Variants in GFM2 observed in about 807,000 individuals in gnomAD.
GFM2 encodes the protein GTP dependent ribosome recycling factor mitochondrial 2.
A neutral mutation model predicts 95.4 loss-of-function variants in GFM2; 72 were observed. The ratio of observed to expected loss-of-function variants is 0.76; its 90% confidence interval spans 0.62 to 0.92. GFM2 has a LOEUF of 0.92. Among genes scored for constraint, GFM2 ranks in the 40% least tolerant of loss-of-function variants. The pLI, the probability that GFM2 is intolerant of heterozygous loss-of-function variation, is 0.00. For missense variants in GFM2, 825 were observed against 924.1 expected, an observed-to-expected ratio of 0.89 and a Z score of 1.39; for synonymous variants, 276 against 317.5, an observed-to-expected ratio of 0.87 and a Z score of 1.39.
chr5:74,732,128 ATT>A (rs533165001), intron 16 of GFM2, among the ~76,000 whole-genome samples: 148 of 85,440 alleles, frequency 1.7e-3, no homozygotes, highest in African/African-American at 6.7e-3. Flanking sequence ...CTAATTTTTA[ATT>A]TTTTTTTTTT....
At chr5:74,733,591 G>A (rs1337317342) in intron 15 of GFM2, among the ~76,000 whole-genome samples, 1 of 152,136 alleles carries the variant, frequency 6.6e-6, no homozygotes, top group Non-Finnish European at 1.5e-5. Context: ...AGATCAGTGG[G>A]CAAAAGGAAG....
rs1742877260 is a variant in GFM2 at position 74,737,105 on chromosome 5, G to A, written c.1321-120C>T. 3.4e-6 allele frequency: 3 copies of A among 890,376 alleles called. No homozygotes were observed. In the Admixed American group the frequency reaches 8.8e-5, roughly 26 times the overall value. The allele number at this position is 890,376 out of a possible 1,614,324, so 55.2% of individuals were successfully genotyped here. ...CCTTTCTTTTCATCAGAACTTAAAA[G>A]AGAAATAAAATTCAAAAAGCTCATT... On this transcript the variant is annotated intron_variant, in intron 14 of 20. Transcript: ENST00000296805.
At chr5:74,732,927 G>GACACACACACAC (rs67360841) in intron 16 of GFM2, 95 bp downstream of exon 16, 133 of 403,614 alleles carry the variant, frequency 3.3e-4, no homozygotes, top group East Asian at 6.2e-4. Context: ...TAATGTTTTA[G>GACACACACACAC]ACACACACAC....
intron 5 of GFM2, among the ~76,000 whole-genome samples, chr5:74,756,641 CCACT>C (rs1049400851): frequency 1.3e-5 from 2 of 150,030 alleles, no homozygotes; most frequent in Admixed American, 6.7e-5. Context: ...GCTTACATTC[CCACT>C]AACAGTGTAA....
At chr5:74,764,243 T>C (rs1044525832) in intron 1 of GFM2, among the ~76,000 whole-genome samples, 2 of 152,242 alleles carry the variant, frequency 1.3e-5, no homozygotes, top group Non-Finnish European at 2.9e-5. Context: ...GCAAGTCCTC[T>C]TCCTCTCTGA....
At chr5:74,726,644 T>C (rs901160514) in intron 17 of GFM2, among the ~76,000 whole-genome samples, 71 of 152,328 alleles carry the variant, frequency 4.7e-4, no homozygotes, top group East Asian at 2.1e-3. Flanking sequence ...TTTGGTAAGA[T>C]TGAAAACAGC....
intron 10 of GFM2, among the ~76,000 whole-genome samples, chr5:74,742,690 G>A (rs1050382887): frequency 1.3e-4 from 19 of 148,360 alleles, no homozygotes; most frequent in Middle Eastern, 3.5e-3. Context: ...TTTTTGATAC[G>A]GAGTCTGGCT....
rs1435890748 is a variant in GFM2, at chr5:74,730,122, C to CA, written c.1726+137dup. The CA allele has an allele frequency of 1.4e-5, 11 of 787,756 alleles. 1 individual carries two copies. Among genetic ancestry groups the CA allele is most frequent in the Non-Finnish European group, 1.7e-5 (9 of 525,848 alleles). 48.8% of individuals were successfully genotyped at this position (787,756 alleles called of 1,614,324 possible). On this transcript the variant is annotated intron_variant, in intron 17 of 20. Coordinates refer to ENST00000296805, the MANE Select transcript of GFM2 (RefSeq NM_032380.5). ...TATTCAAAACAAAATCCTAAAAAAA[C>CA]AAAAAAACCCCACATACATAAAAAC...
chr5:74,744,374 C>T (rs1360139235), intron 10 of GFM2, among the ~76,000 whole-genome samples: 1 of 149,034 alleles, frequency 6.7e-6, no homozygotes, highest in Admixed American at 6.7e-5. Context: ...AAAAAAAAAA[C>T]TATGTACAAA....
chr5:74,765,059 T>A (rs1348929518), intron 1 of GFM2: 1 of 1,169,820 alleles, frequency 8.5e-7, no homozygotes, highest in Admixed American at 2.4e-5. Context: ...GTGCTGGGAT[T>A]ACAGGCGTGA....
rs1378691535 is a variant in GFM2, at chr5:74,725,676, AGTT to A, written c.1989_1991del (p.Thr664del). 2 of 1,613,762 alleles carry A rather than the reference AGTT, an allele frequency of 1.2e-6. No homozygotes were observed. Among genetic ancestry groups the A allele is most frequent in the Admixed American group, 3.3e-5 (2 of 60,006 alleles). On this transcript the variant is annotated inframe_deletion, in exon 19 of 21. Transcript: ENST00000296805. ...ATCTTGAGACACAGGCAGAAATCAT[AGTT>A]GTGGAGGTGCCAGGATGAATTGTCA...
At chr5:74,726,636 TG>T (rs1029794080) in intron 17 of GFM2, among the ~76,000 whole-genome samples, 2 of 152,188 alleles carry the variant, frequency 1.3e-5, no homozygotes, top group African/African-American at 4.8e-5. Context: ...AAAGTGTTTT[TG>T]GTAAGATTGA....
chr5:74,762,393 T>C (rs62366409), intron 2 of GFM2, among the ~76,000 whole-genome samples: 3,664 of 152,306 alleles, frequency 0.024, 51 homozygotes, highest in Non-Finnish European at 0.038. Context: ...ACCTTTTCCA[T>C]CTTAACTGAG....
rs779481314 is a variant in GFM2 at position 74,745,671 on chromosome 5, A to C, written c.849+7T>G. The C allele has an allele frequency of 1.6e-5, 26 of 1,601,834 alleles. No homozygotes were observed. The highest frequency in any genetic ancestry group is 2.0e-5 in the Non-Finnish European group (23 of 1,172,356). ...TGGTGTTCATTTTATCATTCATTATACTTTACTTGTTCAATTAAGGCATTC... is the reference window on the plus strand; with the variant it reads ...TGGTGTTCATTTTATCATTCATTATCCTTTACTTGTTCAATTAAGGCATTC... On this transcript the variant is annotated splice_region_variant and intron_variant, in intron 10 of 20. Coordinates refer to ENST00000296805, the MANE Select transcript of GFM2 (RefSeq NM_032380.5).
chr5:74,760,862 A>G, intron 3 of GFM2, 40 bp downstream of exon 3: 2 of 1,253,228 alleles, frequency 1.6e-6, no homozygotes, highest in Non-Finnish European at 2.3e-6. Context: ...GAGATAAAGC[A>G]AACAGCTTAG....
At chr5:74,755,514 T>C (rs1580013070) in intron 5 of GFM2, among the ~76,000 whole-genome samples, 1 of 152,038 alleles carries the variant, frequency 6.6e-6, no homozygotes, top group South Asian at 2.1e-4. Context: ...AATATCCAAA[T>C]AAGCTCAATT....
chr5:74,738,670 T>C lies in GFM2; in HGVS notation c.1080-28A>G, dbSNP rs561167614. 3.2e-5 allele frequency: 50 copies of C among 1,584,064 alleles called. No homozygotes were observed. The South Asian group carries it at 5.3e-4, about 17-fold the overall frequency. On this transcript the variant is annotated intron_variant, in intron 12 of 20. Transcript: ENST00000296805. ...ATAAAATAAACATTCCAAAAAGGCCTATAAAATACACTTCCCATAACTGCA... is the reference window on the plus strand; with the variant it reads ...ATAAAATAAACATTCCAAAAAGGCCCATAAAATACACTTCCCATAACTGCA...
At chr5:74,752,043 C>G (rs958211003) in intron 5 of GFM2, among the ~76,000 whole-genome samples, 2 of 152,078 alleles carry the variant, frequency 1.3e-5, no homozygotes, top group African/African-American at 4.8e-5. Flanking sequence ...GATAGCCACA[C>G]GGAATGAGGT....
chr5:74,761,147 A>G (rs947148596), intron 2 of GFM2, among the ~76,000 whole-genome samples, 161 bp from the exon 3 acceptor site: 1 of 152,214 alleles, frequency 6.6e-6, no homozygotes. Context: ...TGACAATCCA[A>G]ATATATCCTA....
Sources: gnomAD v4.1 joint callset for allele counts (sites outside exome capture counted in the v4.1 genomes callset) on GRCh38, gnomAD v4.1.1 for gene constraint, MANE v1.5 for transcripts, NCBI Gene and HGNC (gene_info 2026-07-23, HGNC 2026-07-21) for gene names.